IZUMO2: variants seen among roughly 807,000 people sequenced by gnomAD.
IZUMO2 encodes IZUMO family member 2.
Under a neutral mutation model 31.2 loss-of-function variants are expected in IZUMO2, and 24 were observed. The observed-to-expected ratio is 0.77, with a 90% CI of 0.56 to 1.08. IZUMO2 has a LOEUF of 1.08. Among genes scored for constraint, IZUMO2 ranks in the 50% least tolerant of loss-of-function variants. IZUMO2 has a pLI of 0.00. For missense variants in IZUMO2, 278 were observed against 274.0 expected (o/e 1.01, Z -0.10); for synonymous variants, 144 against 117.3 (o/e 1.23, Z -1.47).
At position 50,154,635 on chromosome 19, in the gene IZUMO2, A is replaced by G. The variant is rs926603020; in HGVS notation, c.588T>C (p.Ser196=). 6.2e-7 allele frequency: 1 copy of G among 1,614,064 alleles called. No homozygotes were observed. The highest frequency in any genetic ancestry group is 1.3e-5 in the African/African-American group (1 of 75,024). ...TGACCACGAAGACAAAGACAGCCAG[A>G]GACACAGAAATGAGGATGCCCAACA... The part of the protein sequence containing the change: ...QALLGILISV[S]LAVFVFVVIV... Residue 196 remains serine, a synonymous_variant, in exon 6 of 7, where the codon TCT becomes TCC. Transcript: ENST00000293405.
At chr19:50,153,513 G>A (rs1195936215) in intron 6 of IZUMO2, among the ~76,000 whole-genome samples, 2 of 152,124 alleles carry the variant, frequency 1.3e-5, no homozygotes, top group African/African-American at 2.4e-5. Flanking sequence ...TATTAACAGC[G>A]TTCACTGGCC....
chr19:50,161,280 A>G (rs1363512903), intron 2 of IZUMO2, among the ~76,000 whole-genome samples: 1 of 151,732 alleles, frequency 6.6e-6, no homozygotes, highest in Non-Finnish European at 1.5e-5. Flanking sequence ...GTGCCACCAT[A>G]GCTGGCTAAT....
chr19:50,154,564 C>T, intron 6 of IZUMO2, 36 bp downstream of exon 6: 2 of 1,612,186 alleles, frequency 1.2e-6, no homozygotes, highest in Non-Finnish European at 1.7e-6. Flanking sequence ...CCAGTGGGTT[C>T]CACGGGGGAC....
intron 1 of IZUMO2, 34 bp from the exon 2 acceptor site, chr19:50,162,847 C>T: frequency 1.2e-6 from 2 of 1,605,510 alleles, no homozygotes; most frequent in Non-Finnish European, 1.7e-6. Flanking sequence ...CTCCAGTGAG[C>T]CCCCCAGAGA....
chr19:50,163,201 G>A lies in IZUMO2; in HGVS notation c.-7C>T. On this transcript the variant is annotated 5_prime_UTR_variant, in exon 1 of 7. Transcript: ENST00000293405. ...GGGTCAAAGCCAGAGGCATGGCGGG[G>A]CCTTTGTGACGTCACAGAGAGAACC... 1 of 1,545,984 alleles carries A rather than the reference G, an allele frequency of 6.5e-7. No homozygotes were observed. The highest frequency in any genetic ancestry group is 8.7e-7 in the Non-Finnish European group (1 of 1,145,244).
At chr19:50,154,857 G>C in intron 5 of IZUMO2, 131 bp from the exon 6 acceptor site, 2 of 958,908 alleles carry the variant, frequency 2.1e-6, no homozygotes, top group Non-Finnish European at 3.1e-6. Context: ...TTCTCTTCCT[G>C]CTTGTTCCCT....
In IZUMO2 at chr19:50,154,623, A is replaced by G. The variant is rs747212203; in HGVS notation, c.600T>C (p.Phe200=). Residue 200 remains phenylalanine (F), a synonymous_variant, in exon 6 of 7, where the codon TTT becomes TTC. Coordinates refer to ENST00000293405, the MANE Select transcript of IZUMO2 (RefSeq NM_152358.3). ...GILISVSLAV[F]VFVVIVVSAC... Reference sequence around the variant, plus strand: ...ACGAGACCACGATGACCACGAAGACAAAGACAGCCAGAGACACAGAAATGA... The same window carrying G: ...ACGAGACCACGATGACCACGAAGACGAAGACAGCCAGAGACACAGAAATGA... 7 of 1,614,044 alleles carry G rather than the reference A, an allele frequency of 4.3e-6. No individual in the cohort carries two copies. The South Asian group carries it at 5.5e-5, about 13-fold the overall frequency.
rs542110791 is a variant in IZUMO2, at chr19:50,154,648, A to G, written c.575T>C (p.Leu192Pro). The G allele has an allele frequency of 3.1e-6, 5 of 1,613,992 alleles. No homozygotes were observed. In the African/African-American group the frequency reaches 4.0e-5, roughly 13 times the overall value. ...YPRNQALLGI[L>P]ISVSLAVFVF... ...AAAGACAGCCAGAGACACAGAAATG[A>G]GGATGCCCAACAGCGCCTGGTTCCT... is the stretch of plus-strand genomic sequence containing the variant. The change falls in exon 6 of 7, where the codon CTC becomes CCC. Residue 192 changes from leucine (L) to proline (P), a missense_variant. By Grantham distance (98) the Leu-to-Pro change is moderately conservative. Transcript: ENST00000293405.
Position 50,158,255 on chromosome 19 carries a change from C to T in IZUMO2, c.496+13G>A. The stretch of plus-strand genomic sequence containing the variant: ...CGCCTGTCCCATGTCTTCCCCCACC[C>T]CCAGAAGCTTACCAAAGCAGTACTT... On this transcript the variant is annotated intron_variant, in intron 5 of 6. Transcript: ENST00000293405. 1 of 1,586,162 alleles carries T rather than the reference C, an allele frequency of 6.3e-7. No individual in the cohort carries two copies. Among genetic ancestry groups the T allele is most frequent in the Non-Finnish European group, 8.6e-7 (1 of 1,157,032 alleles).
chr19:50,157,864 G>A (rs2030264348), intron 5 of IZUMO2, among the ~76,000 whole-genome samples: 1 of 148,976 alleles, frequency 6.7e-6, no homozygotes, highest in African/African-American at 2.5e-5. Context: ...AGGTTGCAGT[G>A]AGCCAAGATC....
chr19:50,158,970 T>C (rs1014700462), intron 4 of IZUMO2, among the ~76,000 whole-genome samples: 1 of 152,238 alleles, frequency 6.6e-6, no homozygotes, highest in African/African-American at 2.4e-5. Flanking sequence ...TTTGTTGTGT[T>C]AAACCACCAA....
chr19:50,160,803 A>G (rs1324058979), intron 2 of IZUMO2: 1 of 152,050 alleles, frequency 6.6e-6, no homozygotes, highest in East Asian at 1.9e-4. Flanking sequence ...TTAAAATTGC[A>G]TATGTGACTC....
chr19:50,154,771 C>A, intron 5 of IZUMO2, 45 bp from the exon 6 acceptor site: 1 of 1,604,662 alleles, frequency 6.2e-7, no homozygotes. Flanking sequence ...GTCACCACCC[C>A]TCCTTAGCCC....
chr19:50,158,011 A>C (rs2030271585), intron 5 of IZUMO2, among the ~76,000 whole-genome samples: 1 of 152,102 alleles, frequency 6.6e-6, no homozygotes, highest in Admixed American at 6.6e-5. Context: ...GCAATGGCTA[A>C]GAATAAAATC....
rs1414773875 is a variant in IZUMO2 at position 50,163,188 on chromosome 19, G to A, written c.7C>T (p.Leu3=). 2 of 1,548,524 alleles carry A rather than the reference G, an allele frequency of 1.3e-6. No individual in the cohort carries two copies. Residue 3 remains leucine (L), a synonymous_variant, in exon 1 of 7, where the codon CTG becomes TTG. Coordinates refer to ENST00000293405, the MANE Select transcript of IZUMO2 (RefSeq NM_152358.3). MP[L]ALTLLLLSGL... ...GAGAGCAGCAGAAGGGTCAAAGCCA[G>A]AGGCATGGCGGGGCCTTTGTGACGT...
At chr19:50,162,649 G>A in intron 2 of IZUMO2, 90 bp downstream of exon 2, 3 of 1,122,832 alleles carry the variant, frequency 2.7e-6, no homozygotes, top group Non-Finnish European at 4.1e-6. Flanking sequence ...TTGCATGCGT[G>A]TTTGCTCTTA....
chr19:50,154,964 T>C (rs1057066693), intron 5 of IZUMO2, among the ~76,000 whole-genome samples: 14 of 152,180 alleles, frequency 9.2e-5, no homozygotes, highest in African/African-American at 3.4e-4. Flanking sequence ...GGAACCAAAC[T>C]GGCAAACTGG....
chr19:50,155,072 G>A (rs2030169680), intron 5 of IZUMO2, among the ~76,000 whole-genome samples: 1 of 152,146 alleles, frequency 6.6e-6, no homozygotes, highest in Non-Finnish European at 1.5e-5. Flanking sequence ...ATGGGGTGGG[G>A]TGAGGAGGAC....
chr19:50,159,448 G>T, intron 3 of IZUMO2, 46 bp downstream of exon 3: 1 of 1,415,990 alleles, frequency 7.1e-7, no homozygotes, highest in Non-Finnish European at 1.0e-6. Context: ...GGATCAAGAG[G>T]TCAAGGGAGA....
Sources: allele counts gnomAD v4.1 joint callset (sites outside exome capture counted in the v4.1 genomes callset), GRCh38; gene constraint gnomAD v4.1.1; transcripts MANE v1.5; gene names NCBI Gene and HGNC (gene_info 2026-07-23, HGNC 2026-07-21).